The following FAAH2 variants were observed in gnomAD, a reference collection of about 807,000 sequenced individuals.
FAAH2 encodes fatty acid amide hydrolase 2.
FAAH2 carries 60 observed loss-of-function variants against 36.9 expected under a neutral mutation model. That is an observed-to-expected ratio of 1.63 (90% CI 1.32 to 2.02). The LOEUF (loss-of-function observed/expected upper bound fraction) is 2.02, where lower values mean the gene tolerates loss of function less well. FAAH2 is among the 30% of genes most tolerant of loss of function. The pLI is 0.00. For missense variants in FAAH2, 689 were observed against 397.5 expected (o/e 1.73, Z -6.23); for synonymous variants, 214 against 143.8 (o/e 1.49, Z -3.49).
chrX:57,158,182 C>T, the FAAH2 span, among the ~76,000 whole-genome samples: 1 of 111,914 alleles, frequency 8.9e-6, no homozygotes, highest in East Asian at 2.8e-4. Flanking sequence ...ATGAACTCAT[C>T]ATTTTTTATG....
intron 10 of FAAH2, among the ~76,000 whole-genome samples, chrX:57,484,096 C>G (rs745323137): frequency 9.0e-6 from 1 of 111,015 alleles, no homozygotes; most frequent in African/African-American, 3.3e-5. Flanking sequence ...TGAGCCACTG[C>G]GCCCAGCCAC....
At chrX:57,396,645 G>A (rs1019817333) in intron 7 of FAAH2, among the ~76,000 whole-genome samples, 2 of 111,559 alleles carry the variant, frequency 1.8e-5, no homozygotes, top group South Asian at 3.7e-4. Context: ...GTTGTTTTGA[G>A]AGTTCCTCTT....
intron 7 of FAAH2, among the ~76,000 whole-genome samples, chrX:57,381,287 ATAAT>A (rs1335192504): frequency 8.9e-6 from 1 of 111,897 alleles, no homozygotes; most frequent in African/African-American, 3.2e-5. Flanking sequence ...ACTGTCATTA[ATAAT>A]TTGGTATGTA....
chrX:57,450,292 A>G (rs2056760625), intron 10 of FAAH2, among the ~76,000 whole-genome samples: 2 of 109,711 alleles, frequency 1.8e-5, no homozygotes, highest in South Asian at 3.9e-4. Flanking sequence ...ACGAGATACT[A>G]GAAGCCAGAA....
chrX:57,229,686 C>A, the FAAH2 span, among the ~76,000 whole-genome samples: 5 of 111,078 alleles, frequency 4.5e-5, no homozygotes, highest in Non-Finnish European at 9.4e-5. Context: ...TCTGGAATAA[C>A]TTCTCCTATA....
intron 1 of FAAH2, chrX:57,290,334 A>T: frequency 1.4e-6 from 1 of 706,233 alleles, no homozygotes; most frequent in Non-Finnish European, 1.7e-6. Context: ...CCAGGCTCTT[A>T]ATGCTAGAGC....
At chrX:57,199,336 G>A in the FAAH2 span, among the ~76,000 whole-genome samples, 1 of 110,392 alleles carries the variant, frequency 9.1e-6, no homozygotes, top group African/African-American at 3.3e-5. Context: ...AATTTTTTTA[G>A]TAACCCACTG....
chrX:57,391,538 A>C (rs966788865), intron 7 of FAAH2, among the ~76,000 whole-genome samples: 1 of 110,535 alleles, frequency 9.0e-6, no homozygotes, highest in Non-Finnish European at 1.9e-5. Flanking sequence ...TGGCTAGCCA[A>C]TTTTGCCAGA....
chrX:57,275,905 G>A, the FAAH2 span, among the ~76,000 whole-genome samples: 1 of 111,750 alleles, frequency 8.9e-6, no homozygotes. Flanking sequence ...CAATACAGGA[G>A]CACCCAGATT....
At chrX:57,302,478 T>A (rs1202400173) in intron 2 of FAAH2, among the ~76,000 whole-genome samples, 1 of 111,449 alleles carries the variant, frequency 9.0e-6, no homozygotes, top group East Asian at 2.8e-4. Context: ...GTCTGGTGGT[T>A]GAAGCATGAG....
chrX:57,410,502 A>G (rs935978640), intron 7 of FAAH2, among the ~76,000 whole-genome samples: 3 of 112,003 alleles, frequency 2.7e-5, no homozygotes, highest in Admixed American at 1.9e-4. Context: ...CTTCAGATCT[A>G]TTATAATTTG....
At chrX:57,465,304 C>A (rs553248593) in intron 10 of FAAH2, among the ~76,000 whole-genome samples, 3 of 110,952 alleles carry the variant, frequency 2.7e-5, no homozygotes, top group South Asian at 3.8e-4. Context: ...AATTCCAGAA[C>A]GGGAGATGAG....
At chrX:57,162,452 G>T in the FAAH2 span, among the ~76,000 whole-genome samples, 3 of 111,870 alleles carry the variant, frequency 2.7e-5, no homozygotes, top group African/African-American at 6.5e-5. Flanking sequence ...ATCCTGCAGC[G>T]TGTTTTCCAA....
At chrX:57,185,753 C>G in the FAAH2 span, among the ~76,000 whole-genome samples, 1 of 109,744 alleles carries the variant, frequency 9.1e-6, no homozygotes, top group African/African-American at 3.3e-5. Flanking sequence ...GTTCCCCTCC[C>G]TGTGTCCATG....
At chrX:57,435,029 T>C (rs1168602143) in intron 8 of FAAH2, among the ~76,000 whole-genome samples, 1 of 111,621 alleles carries the variant, frequency 9.0e-6, no homozygotes, top group Non-Finnish European at 1.9e-5. Context: ...ATGATTAAGC[T>C]TCATAAATGA....
chrX:57,239,245 G>A, the FAAH2 span, among the ~76,000 whole-genome samples: 16 of 111,277 alleles, frequency 1.4e-4, no homozygotes, highest in Admixed American at 1.5e-3. Context: ...TTTCTGGTTG[G>A]TAGGTTTTTC....
chrX:57,312,059 C>T (rs906137676), intron 3 of FAAH2, among the ~76,000 whole-genome samples: 2 of 112,044 alleles, frequency 1.8e-5, no homozygotes, highest in Non-Finnish European at 3.8e-5. Context: ...CTGCTGCAGC[C>T]CCTGCCCAAG....
chrX:57,360,143 A>T (rs1296095521), intron 5 of FAAH2, among the ~76,000 whole-genome samples: 1 of 109,970 alleles, frequency 9.1e-6, no homozygotes, highest in Non-Finnish European at 1.9e-5. Context: ...TGACTGCTTG[A>T]TTATAATTTG....
At chrX:57,266,965 A>T in the FAAH2 span, among the ~76,000 whole-genome samples, 3 of 112,195 alleles carry the variant, frequency 2.7e-5, no homozygotes, top group African/African-American at 6.5e-5. Flanking sequence ...TGCACATCAG[A>T]TGGGGCTAGT....
Sources: allele counts gnomAD v4.1 joint callset (sites outside exome capture counted in the v4.1 genomes callset), GRCh38; gene constraint gnomAD v4.1.1; transcripts MANE v1.5; gene names NCBI Gene and HGNC (gene_info 2026-07-23, HGNC 2026-07-21).